DPYSL4: variants seen among roughly 807,000 people sequenced by gnomAD.
DPYSL4 encodes the protein dihydropyrimidinase-related protein 4.
In DPYSL4, 43 loss-of-function variants were observed where a neutral mutation model predicts 63.4. The ratio of observed to expected loss-of-function variants is 0.68; its 90% CI spans 0.53 to 0.88. The LOEUF (loss-of-function observed/expected upper bound fraction) is 0.88, where lower values mean the gene tolerates loss of function less well. DPYSL4 is among the 40% of genes least tolerant of loss of function. The pLI is 0.00. For synonymous variants in DPYSL4, 353 were observed against 331.7 expected (o/e 1.06, Z -0.70); for missense variants, 733 against 819.5 (o/e 0.89, Z 1.29).
chr10:132,187,771 A>G (rs948043940), intron 1 of DPYSL4, among the ~76,000 whole-genome samples: 1 of 152,206 alleles, frequency 6.6e-6, no homozygotes, highest in Non-Finnish European at 1.5e-5. Context: ...TGAACCTTCG[A>G]GAGCAGAGAC....
chr10:132,202,926 G>T (rs1160313572), intron 12 of DPYSL4, 101 bp downstream of exon 12: 6 of 1,417,318 alleles, frequency 4.2e-6, no homozygotes, highest in Non-Finnish European at 4.7e-6. Context: ...CCTCCCGAGG[G>T]GTCAGGAAGA....
intron 6 of DPYSL4, among the ~76,000 whole-genome samples, chr10:132,197,507 GA>G (rs2061961240): frequency 6.6e-6 from 1 of 152,192 alleles, no homozygotes; most frequent in African/African-American, 2.4e-5. Context: ...CCGGGCTGGG[GA>G]GGGCCTGAGC....
rs2062075598 is a variant in DPYSL4 at position 132,204,937 on chromosome 10, A to G, written c.*7A>G. On this transcript the variant is annotated 3_prime_UTR_variant, in exon 14 of 14. Transcript: ENST00000338492. Reference sequence around the variant, plus strand: ...CATCACCTCTCTCTCCTAGACGCCCAGGACCGGCCCTGTGAGCCGTGCTGG... The same window carrying G: ...CATCACCTCTCTCTCCTAGACGCCCGGGACCGGCCCTGTGAGCCGTGCTGG... 3.1e-6 allele frequency: 5 copies of G among 1,604,550 alleles called. No individual in the cohort carries two copies. In the South Asian group the frequency reaches 4.4e-5, roughly 14 times the overall value.
chr10:132,202,636 C>T lies in DPYSL4; in HGVS notation c.1282-10C>T. On this transcript the variant is annotated splice_polypyrimidine_tract_variant and intron_variant, in intron 11 of 13. Transcript: ENST00000338492. ...GTGGAGGCACTGGACCCTCGGGCCT[C>T]TCTCCCCAGAACGTGGAGTACAACA... 6.2e-7 allele frequency: 1 copy of T among 1,611,570 alleles called. No homozygotes were observed. Among genetic ancestry groups the T allele is most frequent in the Non-Finnish European group, 8.5e-7 (1 of 1,179,758 alleles).
intron 1 of DPYSL4, among the ~76,000 whole-genome samples, chr10:132,189,277 C>T (rs901651771): frequency 1.3e-5 from 2 of 152,214 alleles, no homozygotes; most frequent in Non-Finnish European, 2.9e-5. Flanking sequence ...CCGAGTCCAG[C>T]CCGTGGGCGC....
chr10:132,197,045 C>T lies in DPYSL4; in HGVS notation c.565C>T (p.Arg189Trp), dbSNP rs755952856. The T allele has an allele frequency of 2.5e-6, 4 of 1,592,140 alleles. No homozygotes were observed. The highest frequency in any genetic ancestry group is 1.7e-5 in the Admixed American group (1 of 57,472). Reference sequence around the variant, plus strand: ...GATGTACGAGATCTTCAGCATCATCCGGGACCTGGGGGCCTTGGCCCAGGT... The same window carrying T: ...GATGTACGAGATCTTCAGCATCATCTGGGACCTGGGGGCCTTGGCCCAGGT... ...SQMYEIFSII[R>W]DLGALAQVHA... The change falls in exon 6 of 14, where the codon CGG becomes TGG. Residue 189 changes from arginine (R) to tryptophan (W), a missense_variant. Coordinates refer to ENST00000338492, the MANE Select transcript of DPYSL4 (RefSeq NM_006426.3).
At position 132,202,840 on chromosome 10, in the gene DPYSL4, G is replaced by C. The variant is rs371363833; in HGVS notation, c.1461+15G>C. 6.4e-7 allele frequency: 1 copy of C among 1,572,694 alleles called. No homozygotes were observed. Among genetic ancestry groups the C allele is most frequent in the Non-Finnish European group, 8.6e-7 (1 of 1,157,806 alleles). ...CTCGCAACAGGGTAGGGCGGCACCCGCAAGGGTGTTGTGCAGGTAGGCAGG... is the reference window on the plus strand; with the variant it reads ...CTCGCAACAGGGTAGGGCGGCACCCCCAAGGGTGTTGTGCAGGTAGGCAGG... On this transcript the variant is annotated intron_variant, in intron 12 of 13. Coordinates refer to ENST00000338492, the MANE Select transcript of DPYSL4 (RefSeq NM_006426.3).
At chr10:132,198,381 G>A in intron 6 of DPYSL4, 34 bp from the exon 7 acceptor site, 1 of 1,587,522 alleles carries the variant, frequency 6.3e-7, no homozygotes, top group Non-Finnish European at 8.6e-7. Flanking sequence ...CTCCCTTCAG[G>A]GCTTGGAGCG....
At chr10:132,204,774 G>A (rs1018207985) in intron 13 of DPYSL4, 65 bp from the exon 14 acceptor site, 25 of 1,423,748 alleles carry the variant, frequency 1.8e-5, no homozygotes, top group African/African-American at 1.6e-4. Flanking sequence ...TCTGCCTCAC[G>A]CCTTGAATAG....
intron 4 of DPYSL4, among the ~76,000 whole-genome samples, chr10:132,196,148 G>A (rs2061940797): frequency 6.6e-6 from 1 of 152,238 alleles, no homozygotes; most frequent in African/African-American, 2.4e-5. Context: ...CAGCGAGGAG[G>A]AGATGCCATG....
intron 13 of DPYSL4, 91 bp from the exon 14 acceptor site, chr10:132,204,748 T>C: frequency 8.5e-7 from 1 of 1,174,794 alleles, no homozygotes; most frequent in Non-Finnish European, 1.2e-6. Context: ...CTGGCCCCAC[T>C]GACGCAGCCA....
chr10:132,200,553 T>C, intron 9 of DPYSL4, 41 bp downstream of exon 9: 1 of 1,606,016 alleles, frequency 6.2e-7, no homozygotes, highest in Non-Finnish European at 8.5e-7. Flanking sequence ...GGCCGCCCGC[T>C]GCACACCCTG....
intron 1 of DPYSL4, among the ~76,000 whole-genome samples, chr10:132,190,394 A>C (rs958720144): frequency 6.6e-6 from 1 of 152,262 alleles, no homozygotes; most frequent in Non-Finnish European, 1.5e-5. Flanking sequence ...ACAGGAGGCC[A>C]TGAGGCAGCG....
intron 3 of DPYSL4, among the ~76,000 whole-genome samples, chr10:132,193,699 C>T (rs932364334): frequency 6.6e-6 from 1 of 152,240 alleles, no homozygotes; most frequent in African/African-American, 2.4e-5. Flanking sequence ...ACTCAGCTGG[C>T]TTTTATAAGT....
chr10:132,192,939 G>A (rs548854180), intron 3 of DPYSL4, 97 bp downstream of exon 3: 2 of 1,304,496 alleles, frequency 1.5e-6, no homozygotes, highest in Admixed American at 2.6e-5. Flanking sequence ...TCGCCTAAAG[G>A]TGCCTTTCTC....
At chr10:132,203,040 G>A (rs2062040947) in intron 12 of DPYSL4, among the ~76,000 whole-genome samples, 1 of 152,252 alleles carries the variant, frequency 6.6e-6, no homozygotes, top group Non-Finnish European at 1.5e-5. Context: ...GGGACCTTCA[G>A]GCCCTGGATC....
At chr10:132,193,035 A>G (rs2061897970) in intron 3 of DPYSL4, among the ~76,000 whole-genome samples, 193 bp downstream of exon 3, 1 of 152,084 alleles carries the variant, frequency 6.6e-6, no homozygotes, top group Non-Finnish European at 1.5e-5. Context: ...CTGTGTGGCC[A>G]GTGCTGGAAT....
At chr10:132,189,406 C>T (rs1210375441) in intron 1 of DPYSL4, among the ~76,000 whole-genome samples, 1 of 152,216 alleles carries the variant, frequency 6.6e-6, no homozygotes, top group African/African-American at 2.4e-5. Context: ...TACTTTCTGC[C>T]TAATCTTCTG....
chr10:132,191,385 C>T (rs1338606952), intron 2 of DPYSL4, among the ~76,000 whole-genome samples: 4 of 137,384 alleles, frequency 2.9e-5, no homozygotes, highest in East Asian at 2.5e-4. Context: ...ACACTGGTCA[C>T]GTGGTATCCA....
Sources: gnomAD v4.1 joint callset for allele counts (sites outside exome capture counted in the v4.1 genomes callset) on GRCh38, gnomAD v4.1.1 for gene constraint, MANE v1.5 for transcripts, NCBI Gene and HGNC (gene_info 2026-07-23, HGNC 2026-07-21) for gene names.